Variants in ADAM12 observed in about 807,000 individuals in gnomAD.
The protein encoded by ADAM12 is ADAM metallopeptidase domain 12, also known as disintegrin and metalloproteinase domain-containing protein 12.
ADAM12 carries 70 observed loss-of-function variants against 106.4 expected under a neutral mutation model. The ratio of observed to expected loss-of-function variants is 0.66; its 90% CI spans 0.54 to 0.80. The LOEUF is 0.80. ADAM12 is among the 30% of genes least tolerant of loss of function. The pLI is 0.00. For missense variants in ADAM12, 1,010 were observed against 1,171.9 expected (o/e 0.86, Z 2.02); for synonymous variants, 420 against 433.5 (o/e 0.97, Z 0.39).
chr10:126,227,271 A>G (rs1958215237), intron 3 of ADAM12, among the ~76,000 whole-genome samples: 1 of 152,106 alleles, frequency 6.6e-6, no homozygotes, highest in African/African-American at 2.4e-5. Context: ...CATCATTACC[A>G]TCATCATCGT....
At chr10:126,109,634 A>G in intron 7 of ADAM12, 141 bp downstream of exon 7, 1 of 622,706 alleles carries the variant, frequency 1.6e-6, no homozygotes, top group African/African-American at 1.8e-5. Context: ...TCAGAAAACC[A>G]TTGTTTCAAT....
At chr10:126,086,050 G>A (rs1955334125) in intron 11 of ADAM12, among the ~76,000 whole-genome samples, 1 of 152,194 alleles carries the variant, frequency 6.6e-6, no homozygotes, top group African/African-American at 2.4e-5. Context: ...CAGCTGAAAT[G>A]TTTTCACACA....
intron 1 of ADAM12, among the ~76,000 whole-genome samples, chr10:126,338,819 C>T (rs1312368473): frequency 6.6e-6 from 1 of 152,088 alleles, no homozygotes; most frequent in Non-Finnish European, 1.5e-5. Flanking sequence ...AAAATGTACA[C>T]CTAGGAATAA....
At chr10:126,336,601 A>G (rs1854707617) in intron 1 of ADAM12, among the ~76,000 whole-genome samples, 1 of 152,206 alleles carries the variant, frequency 6.6e-6, no homozygotes, top group Non-Finnish European at 1.5e-5. Flanking sequence ...GAAAACACAG[A>G]AACGGCAAGT....
chr10:126,351,646 G>C (rs1775369583), intron 1 of ADAM12, among the ~76,000 whole-genome samples: 1 of 152,134 alleles, frequency 6.6e-6, no homozygotes, highest in Admixed American at 6.5e-5. Context: ...AGAGAAGGGG[G>C]AGGTCCAGAA....
intron 4 of ADAM12, among the ~76,000 whole-genome samples, chr10:126,153,916 T>C (rs915684647): frequency 2.6e-5 from 4 of 152,242 alleles, no homozygotes; most frequent in African/African-American, 9.6e-5. Context: ...CATCCACACA[T>C]GAGACTAACT....
intron 2 of ADAM12, among the ~76,000 whole-genome samples, chr10:126,291,808 C>CA (rs1486603715): frequency 6.6e-6 from 1 of 152,130 alleles, no homozygotes; most frequent in Non-Finnish European, 1.5e-5. Flanking sequence ...GACTGGGGGT[C>CA]ATCTGGCTGT....
intron 12 of ADAM12, among the ~76,000 whole-genome samples, chr10:126,067,222 C>T (rs562699315): frequency 1.7e-4 from 26 of 152,358 alleles, no homozygotes; most frequent in African/African-American, 6.3e-4. Context: ...CTGTACTCTT[C>T]AAAAATGAAC....
chr10:126,191,920 CAGA>C (rs1957508942), intron 3 of ADAM12, among the ~76,000 whole-genome samples: 1 of 152,098 alleles, frequency 6.6e-6, no homozygotes, highest in Admixed American at 6.6e-5. Context: ...ACAACCCTGG[CAGA>C]AGGTGAGGGG....
intron 3 of ADAM12, among the ~76,000 whole-genome samples, chr10:126,185,447 G>C (rs897234946): frequency 6.6e-6 from 1 of 151,832 alleles, no homozygotes; most frequent in Admixed American, 6.6e-5. Flanking sequence ...CAAGAGTCAA[G>C]GGTTGCTGGA....
At chr10:126,156,007 A>T (rs1284474588) in intron 3 of ADAM12, among the ~76,000 whole-genome samples, 1 of 152,248 alleles carries the variant, frequency 6.6e-6, no homozygotes, top group East Asian at 1.9e-4. Context: ...ATTGCAAAGC[A>T]TGGGTTACTT....
At chr10:126,094,766 C>G in intron 10 of ADAM12, among the ~76,000 whole-genome samples, 1 of 152,232 alleles carries the variant, frequency 6.6e-6, no homozygotes, top group Non-Finnish European at 1.5e-5. Context: ...TTCTTGCTGG[C>G]TCTTTGTGTT....
At chr10:126,288,756 G>C (rs1191721958) in intron 2 of ADAM12, among the ~76,000 whole-genome samples, 1 of 150,412 alleles carries the variant, frequency 6.6e-6, no homozygotes. Flanking sequence ...TGACATAATG[G>C]CCCAGGGACA....
At chr10:126,340,114 A>G (rs1018936224) in intron 1 of ADAM12, among the ~76,000 whole-genome samples, 2 of 152,052 alleles carry the variant, frequency 1.3e-5, no homozygotes, top group African/African-American at 4.8e-5. Flanking sequence ...TGGCTTCCCA[A>G]AGTGCTGGGA....
At chr10:126,100,953 T>C in intron 9 of ADAM12, 119 bp downstream of exon 9, 1 of 1,098,024 alleles carries the variant, frequency 9.1e-7, no homozygotes, top group Non-Finnish European at 1.3e-6. Flanking sequence ...AGAAGCCCCC[T>C]TGCACAAGGC....
At chr10:126,123,276 G>A (rs895495535) in intron 5 of ADAM12, among the ~76,000 whole-genome samples, 1 of 152,226 alleles carries the variant, frequency 6.6e-6, no homozygotes, top group African/African-American at 2.4e-5. Context: ...ATAAGTGAAT[G>A]TAATTTGTTT....
intron 2 of ADAM12, among the ~76,000 whole-genome samples, chr10:126,307,513 C>T (rs947974099): frequency 1.3e-5 from 2 of 152,042 alleles, no homozygotes; most frequent in African/African-American, 4.8e-5. Flanking sequence ...ACAACCACAT[C>T]CGACAATTTT....
chr10:126,190,501 C>G (rs185569588), intron 3 of ADAM12, among the ~76,000 whole-genome samples: 2 of 152,086 alleles, frequency 1.3e-5, no homozygotes, highest in Non-Finnish European at 2.9e-5. Context: ...ACACCACACC[C>G]GGCCCCAATT....
chr10:126,128,510 C>A (rs1186414123), intron 5 of ADAM12, among the ~76,000 whole-genome samples: 1 of 152,262 alleles, frequency 6.6e-6, no homozygotes, highest in Admixed American at 6.5e-5. Flanking sequence ...CAGCACCCCA[C>A]AGAGTGGGTA....
Sources: allele counts gnomAD v4.1 joint callset (sites outside exome capture counted in the v4.1 genomes callset), GRCh38; gene constraint gnomAD v4.1.1; transcripts MANE v1.5; gene names NCBI Gene and HGNC (gene_info 2026-07-23, HGNC 2026-07-21).